The following ANKS1B variants were observed in gnomAD, a reference collection of about 807,000 sequenced individuals.
ANKS1B encodes ankyrin repeat and sterile alpha motif domain-containing protein 1B.
Under a neutral mutation model 148.3 loss-of-function variants are expected in ANKS1B, and 36 were observed. The observed-to-expected ratio is 0.24, with a 90% CI of 0.19 to 0.32. The LOEUF is 0.32. Among genes scored for constraint, ANKS1B ranks in the 10% least tolerant of loss-of-function variants. The pLI, the probability that ANKS1B is intolerant of heterozygous loss-of-function variation, is 1.00. For synonymous variants in ANKS1B, 542 were observed against 560.8 expected (o/e 0.97, Z 0.47); for missense variants, 1,157 against 1,542.6 (o/e 0.75, Z 4.19).
Position 99,590,123 on chromosome 12 carries a change from A to T in ANKS1B, c.1272+64944T>A, listed in dbSNP as rs528979656. ...AAAAAGTACAGTATGTATTTATTTT[A>T]AAAATTCCAATTTTGAGCACATATA... is the stretch of plus-strand genomic sequence containing the variant. On this transcript the variant is annotated intron_variant, in intron 9 of 26. Transcript: ENST00000683438. Among the ~76,000 whole-genome samples, 3 of 152,274 alleles carry T rather than the reference A, an allele frequency of 2.0e-5. No homozygotes were observed. The South Asian group carries it at 6.2e-4, about 32-fold the overall frequency.
chr12:98,898,603 G>C (rs552588030), intron 17 of ANKS1B, among the ~76,000 whole-genome samples: 4 of 152,166 alleles, frequency 2.6e-5, no homozygotes, highest in African/African-American at 9.6e-5. Context: ...TGATGCACCA[G>C]GATATTGAAT....
chr12:99,037,242 C>T (rs1194864283), intron 17 of ANKS1B, among the ~76,000 whole-genome samples: 20 of 152,136 alleles, frequency 1.3e-4, no homozygotes, highest in Admixed American at 1.2e-3. Context: ...CATGGCCAGG[C>T]GCTGTGGCTC....
chr12:99,210,681 GC>G (rs1410527182), intron 14 of ANKS1B, among the ~76,000 whole-genome samples: 2 of 152,150 alleles, frequency 1.3e-5, no homozygotes, highest in African/African-American at 4.8e-5. Flanking sequence ...AGACTCCATT[GC>G]AAAAAGTTAG....
intron 14 of ANKS1B, among the ~76,000 whole-genome samples, chr12:99,196,536 A>G (rs1364720927): frequency 6.6e-6 from 1 of 152,118 alleles, no homozygotes; most frequent in East Asian, 1.9e-4. Context: ...TTGCCTCTTC[A>G]AAGACTTATC....
intron 15 of ANKS1B, among the ~76,000 whole-genome samples, chr12:99,116,428 G>A (rs371101798): frequency 1.4e-4 from 22 of 152,240 alleles, no homozygotes; most frequent in African/African-American, 4.6e-4. Flanking sequence ...TTACATCATA[G>A]GATTGTGGTG....
chr12:99,467,082 T>TTA (rs1345428839), intron 10 of ANKS1B, among the ~76,000 whole-genome samples: 1 of 152,192 alleles, frequency 6.6e-6, no homozygotes, highest in East Asian at 1.9e-4. Context: ...ATCAAAAATC[T>TTA]TATCCACCAT....
intron 10 of ANKS1B, among the ~76,000 whole-genome samples, chr12:99,447,759 AAAC>A: frequency 6.6e-6 from 1 of 152,272 alleles, no homozygotes; most frequent in South Asian, 2.1e-4. Flanking sequence ...CATAGTGAGA[AAAC>A]AATAACCTGA....
intron 16 of ANKS1B, among the ~76,000 whole-genome samples, chr12:99,057,346 C>T (rs555404642): frequency 1.3e-5 from 2 of 152,276 alleles, no homozygotes; most frequent in East Asian, 3.9e-4. Context: ...CTTTTCTCCC[C>T]ATTGCCCTAA....
At chr12:99,362,290 G>A (rs1789359047) in intron 12 of ANKS1B, among the ~76,000 whole-genome samples, 1 of 151,962 alleles carries the variant, frequency 6.6e-6, no homozygotes, top group African/African-American at 2.4e-5. Context: ...TCAGTCTGCT[G>A]AGAGACTTCA....
chr12:98,953,024 AT>A (rs33916677), intron 17 of ANKS1B, among the ~76,000 whole-genome samples: 36,107 of 144,150 alleles, frequency 0.25, 6,034 homozygotes, highest in African/African-American at 0.48. Context: ...GCACTCAGCT[AT>A]TTTTTTTTTT....
rs2095555223 is a variant in ANKS1B at position 99,971,309 on chromosome 12, G to C, written c.134+12795C>G. On this transcript the variant is annotated intron_variant, in intron 1 of 26. Coordinates refer to ENST00000683438, the MANE Select transcript of ANKS1B (RefSeq NM_001352186.2). ...GTCAATAGCCAAAGCAGGCTAACAG[G>C]AATAACTCTGCTCTGGGCTCCTCCA... is the stretch of plus-strand genomic sequence containing the variant. Among the ~76,000 whole-genome samples the C allele has an allele frequency of 2.0e-5, 3 of 152,138 alleles. No individual in the cohort carries two copies. In the South Asian group the frequency reaches 6.2e-4, roughly 31 times the overall value.
chr12:98,991,770 T>A (rs1019443996), intron 17 of ANKS1B, among the ~76,000 whole-genome samples: 1 of 152,202 alleles, frequency 6.6e-6, no homozygotes, highest in African/African-American at 2.4e-5. Context: ...AAACCAATAT[T>A]AGATTCTAGG....
chr12:99,437,519 G>A (rs1377015082), intron 11 of ANKS1B, among the ~76,000 whole-genome samples: 3 of 151,668 alleles, frequency 2.0e-5, no homozygotes, highest in African/African-American at 4.8e-5. Context: ...TTTTCTGCCC[G>A]TGGTCACTTC....
intron 1 of ANKS1B, among the ~76,000 whole-genome samples, chr12:99,915,050 A>G (rs11834573): frequency 0.021 from 3,188 of 152,028 alleles, 114 homozygotes; most frequent in African/African-American, 0.072. Flanking sequence ...ACATGGTGAA[A>G]CCTCATCTCT....
chr12:99,137,629 T>G (rs539966454), intron 15 of ANKS1B, among the ~76,000 whole-genome samples: 18 of 152,116 alleles, frequency 1.2e-4, no homozygotes, highest in Non-Finnish European at 2.6e-4. Context: ...GGTAAAAACC[T>G]CCTTGGTTTT....
intron 4 of ANKS1B, among the ~76,000 whole-genome samples, chr12:99,805,536 A>G (rs1227789968): frequency 6.6e-6 from 1 of 152,082 alleles, no homozygotes; most frequent in East Asian, 1.9e-4. Flanking sequence ...CTGAGGCAGG[A>G]GGATCACTTG....
chr12:99,823,527 A>G (rs908894194), intron 2 of ANKS1B, among the ~76,000 whole-genome samples: 19 of 152,252 alleles, frequency 1.2e-4, no homozygotes, highest in African/African-American at 4.6e-4. Flanking sequence ...GCTGGTCTCA[A>G]ACTTCTGGCC....
chr12:99,935,177 A>C (rs1415208413), intron 1 of ANKS1B, among the ~76,000 whole-genome samples: 1 of 152,142 alleles, frequency 6.6e-6, no homozygotes, highest in Non-Finnish European at 1.5e-5. Context: ...AGTAAGTACC[A>C]ATAAGGGGGT....
rs79044799 is a variant in ANKS1B at position 99,133,733 on chromosome 12, G to A, written c.2526+20556C>T. ...AGATGCCCATAAGCCTATTTACTCCGGGCTGTCTCTTTGCAATCTTAGAAG... is the reference window on the plus strand; with the variant it reads ...AGATGCCCATAAGCCTATTTACTCCAGGCTGTCTCTTTGCAATCTTAGAAG... On this transcript the variant is annotated intron_variant, in intron 15 of 26. Coordinates refer to ENST00000683438, the MANE Select transcript of ANKS1B (RefSeq NM_001352186.2). 4.0e-3 allele frequency among the ~76,000 whole-genome samples: 613 copies of A among 152,236 alleles called. 22 individuals are homozygous for A. The East Asian group carries it at 0.086, about 21-fold the overall frequency.
Sources: gnomAD v4.1 joint callset for allele counts (sites outside exome capture counted in the v4.1 genomes callset) on GRCh38, gnomAD v4.1.1 for gene constraint, MANE v1.5 for transcripts, NCBI Gene and HGNC (gene_info 2026-07-23, HGNC 2026-07-21) for gene names.